MIB2: variants seen among roughly 807,000 people sequenced by gnomAD.
MIB2 encodes MIB E3 ubiquitin protein ligase 2.
A neutral mutation model predicts 96.6 loss-of-function variants in MIB2; 78 were observed. The observed-to-expected ratio is 0.81, with a 90% CI of 0.67 to 0.97. The LOEUF (loss-of-function observed/expected upper bound fraction) is 0.97, where lower values mean the gene tolerates loss of function less well. Among genes scored for constraint, MIB2 ranks in the 50% least tolerant of loss-of-function variants. The pLI is 0.00. For missense variants in MIB2, 1,543 were observed against 1,424.0 expected, an observed-to-expected ratio of 1.08 and a Z score of -1.35; for synonymous variants, 820 against 629.5, an observed-to-expected ratio of 1.30 and a Z score of -4.53.
Position 1,615,545 on chromosome 1 carries a change from C to T in MIB2, c.-218C>T, listed in dbSNP as rs1294909840. On this transcript the variant is annotated 5_prime_UTR_variant, in exon 1 of 20. Coordinates refer to ENST00000355826, the MANE Select transcript of MIB2 (RefSeq NM_001170687.4). Reference sequence around the variant, plus strand: ...TCCAGCCGCCGCTCTCCTCAGTGCCCGGTGGCCCAGGAGGGCCTGGGAGCC... The same window carrying T: ...TCCAGCCGCCGCTCTCCTCAGTGCCTGGTGGCCCAGGAGGGCCTGGGAGCC... 6.5e-7 allele frequency: 1 copy of T among 1,535,464 alleles called. No homozygotes were observed. Among genetic ancestry groups the T allele is most frequent in the Admixed American group, 2.0e-5 (1 of 50,938 alleles).
In MIB2 at chr1:1,625,644, G is replaced by A. The variant is rs752429847; in HGVS notation, c.963G>A (p.Ala321=). The change falls in exon 8 of 20, where the codon GCG becomes GCA. Residue 321 remains alanine, a synonymous_variant. Transcript: ENST00000355826. The surrounding 1 kb of genome is among the most constrained non-coding windows in gnomAD (Gnocchi z 5.0). ...CGCGCTGGACCTTCCACCCCGGGGC[G>A]CTCACCAAGGTGCCGGGGGGGCTGG... ...HETRWTFHPG[A]LTKHHSFWVG... 51 of 1,558,772 alleles carry A rather than the reference G, an allele frequency of 3.3e-5. No individual in the cohort carries two copies. The highest frequency in any genetic ancestry group is 5.4e-5 in the African/African-American group (4 of 73,528).
chr1:1,615,467 G>C (rs1026169243), upstream of MIB2: 6 of 1,518,630 alleles, frequency 4.0e-6, no homozygotes, highest in South Asian at 6.1e-5. Context: ...GCCATGGCGG[G>C]GGCGCTCCGG....
Position 1,627,354 on chromosome 1 carries a change from T to A in MIB2, c.1433T>A (p.Val478Glu), listed in dbSNP as rs545292425. Residue 478 changes from valine to glutamate, a missense_variant, in exon 12 of 20, where the codon GTG (valine) becomes GAG (glutamate). Coordinates refer to ENST00000355826, the MANE Select transcript of MIB2 (RefSeq NM_001170687.4). ...ALQVAAYLGQ[V>E]ELIRLLLQAR... ...CAAGTGGCTGCCTACCTGGGCCAGG[T>A]GGAGTTGATACGGCTGCTGCTACAA... is the stretch of plus-strand genomic sequence containing the variant. 1.9e-6 allele frequency: 3 copies of A among 1,612,736 alleles called. No homozygotes were observed. The Admixed American group carries it at 5.0e-5, about 27-fold the overall frequency.
Position 1,628,647 on chromosome 1 carries a change from G to A in MIB2, c.2127G>A (p.Leu709=). 2 of 1,593,078 alleles carry A rather than the reference G, an allele frequency of 1.3e-6. No homozygotes were observed. Among genetic ancestry groups the A allele is most frequent in the Admixed American group, 1.7e-5 (1 of 57,896 alleles). The change falls in exon 16 of 20, where the codon CTG becomes CTA. Residue 709 remains leucine, a synonymous_variant. Transcript: ENST00000355826. ...EEGDTALHVA[L]QRHQLLPLVA... is the part of the protein sequence containing the mutation. ...GGGACACAGCCCTGCACGTGGCGCT[G>A]CAGCGTCATCAGCTGCTGCCCCTGG... is the stretch of plus-strand genomic sequence containing the variant.
rs1281042656 is a variant in MIB2, at chr1:1,629,565, G to C, written c.2562G>C (p.Glu854Asp). Reference protein sequence around the residue: ...FSPCQHRTVCEECARRMKKCI... With the variant: ...FSPCQHRTVCDECARRMKKCI... ...CGTGCCAGCACCGCACCGTGTGTGA[G>C]GGTGAGTGGGGGGCCCCGGGGTGGG... The change falls in exon 18 of 20, where the codon GAG becomes GAC. Residue 854 changes from glutamate to aspartate, a missense_variant and splice_region_variant. Glu to Asp is a conservative substitution (Grantham distance 45, BLOSUM62 2). Coordinates refer to ENST00000355826, the MANE Select transcript of MIB2 (RefSeq NM_001170687.4). 2 of 1,547,010 alleles carry C rather than the reference G, an allele frequency of 1.3e-6. No individual in the cohort carries two copies. Among genetic ancestry groups the C allele is most frequent in the Non-Finnish European group, 1.7e-6 (2 of 1,146,118 alleles).
At position 1,626,681 on chromosome 1, in the gene MIB2, G is replaced by T; in HGVS notation, c.1004G>T (p.Arg335Leu). ...TCCTTCTGGGTGGGCGACGTGGTCC[G>T]GGTCATCGGCGACCTTGACACAGTG... ...HHSFWVGDVV[R>L]VIGDLDTVKR... Residue 335 changes from arginine (R) to leucine (L), a missense_variant, in exon 9 of 20, where the codon CGG (arginine) becomes CTG (leucine). Arg to Leu is a moderately radical substitution (Grantham distance 102). Coordinates refer to ENST00000355826, the MANE Select transcript of MIB2 (RefSeq NM_001170687.4). This position sits in a 1 kb window ranked among gnomAD's most constrained non-coding sequence, Gnocchi z 5.3. 12 of 1,586,062 alleles carry T rather than the reference G, an allele frequency of 7.6e-6. No homozygotes were observed. The highest frequency in any genetic ancestry group is 1.0e-5 in the Non-Finnish European group (12 of 1,164,948).
Position 1,615,637 on chromosome 1 carries a change from C to T in MIB2, c.-130+4C>T. The T allele has an allele frequency of 6.4e-7, 1 of 1,574,234 alleles. No individual in the cohort carries two copies. ...CGGGCCGTCCTCTCGGCTGATGGTGCGTGCGGGCGCGGATCTCCTCCCCTG... is the reference window on the plus strand; with the variant it reads ...CGGGCCGTCCTCTCGGCTGATGGTGTGTGCGGGCGCGGATCTCCTCCCCTG... On this transcript the variant is annotated splice_donor_region_variant and intron_variant, in intron 1 of 19. Transcript: ENST00000355826.
At chr1:1,617,023 C>T (rs1415940045) in intron 2 of MIB2, 1 of 204,164 alleles carries the variant, frequency 4.9e-6, no homozygotes, top group African/African-American at 2.4e-5. Context: ...TAGGTCTCCA[C>T]CCAGATGGGC....
chr1:1,629,298 G>A lies in MIB2; in HGVS notation c.2368G>A (p.Ala790Thr), dbSNP rs927203011. The change falls in exon 17 of 20, where the codon GCC becomes ACC. Residue 790 changes from alanine (A) to threonine (T), a missense_variant. Ala to Thr is a moderately conservative substitution (Grantham distance 58, BLOSUM62 0). Coordinates refer to ENST00000355826, the MANE Select transcript of MIB2 (RefSeq NM_001170687.4). ...GRVLKALQGC[A>T]QRFRERQAGG... ...CGTGCTCAAGGCCCTTCAGGGCTGCGCCCAGCGCTTCCGGTGAGTCCGTGG... is the reference window on the plus strand; with the variant it reads ...CGTGCTCAAGGCCCTTCAGGGCTGCACCCAGCGCTTCCGGTGAGTCCGTGG... The A allele has an allele frequency of 2.0e-6, 3 of 1,508,514 alleles. No individual in the cohort carries two copies. In the East Asian group the frequency reaches 7.8e-5, roughly 39 times the overall value. The allele number at this position is 1,508,514 out of a possible 1,614,324, so 93.4% of individuals were successfully genotyped here. A position where few individuals can be genotyped will look rare whatever the true frequency, so the allele number is the denominator to read the frequency against.
At chr1:1,615,756 A>ACTCGGCGTAGGGTCCGCACGGGATGGG (rs1553140472) in intron 1 of MIB2, 123 bp downstream of exon 1, 1 of 1,447,592 alleles carries the variant, frequency 6.9e-7, no homozygotes. Context: ...CCCGGGCTGG[A>ACTCGGCGTAGGGTCCGCACGGGATGGG]CTCGGCGTAG....
At chr1:1,630,128 C>T (rs913918435) in intron 19 of MIB2, among the ~76,000 whole-genome samples, 164 bp from the exon 20 acceptor site, 7 of 150,432 alleles carry the variant, frequency 4.7e-5, no homozygotes, top group Admixed American at 1.3e-4. Flanking sequence ...TGCCCGCACC[C>T]GGGCCCCACC....
chr1:1,628,372 C>G lies in MIB2; in HGVS notation c.1941C>G (p.Arg647=), dbSNP rs374167559. 7 of 1,612,478 alleles carry G rather than the reference C, an allele frequency of 4.3e-6. No individual in the cohort carries two copies. The highest frequency in any genetic ancestry group is 1.6e-4 in the Middle Eastern group (1 of 6,084). ...ALHLAALNNH[R]EVAQILIREG... ...ATCTGGCTGCCCTCAACAACCACCG[C>G]GAGGTGGCCCAGATCCTCATCCGGG... Residue 647 remains arginine, a synonymous_variant, in exon 15 of 20, where the codon CGC becomes CGG. Coordinates refer to ENST00000355826, the MANE Select transcript of MIB2 (RefSeq NM_001170687.4).
chr1:1,617,355 C>T (rs886391395), intron 2 of MIB2: 2 of 152,284 alleles, frequency 1.3e-5, no homozygotes, highest in Admixed American at 6.5e-5. Flanking sequence ...TTTAAAGCTT[C>T]TCCGATAAAA....
intron 2 of MIB2, chr1:1,618,214 C>T (rs946140199): frequency 6.6e-6 from 1 of 152,302 alleles, no homozygotes; most frequent in African/African-American, 2.4e-5. Flanking sequence ...AGCCTCTGGC[C>T]CAGAGCTCAC....
chr1:1,627,862 G>T, intron 13 of MIB2, 33 bp downstream of exon 13: 1 of 1,596,068 alleles, frequency 6.3e-7, no homozygotes, highest in Non-Finnish European at 8.5e-7. Flanking sequence ...GGTGCCCCCT[G>T]CCCGTGAGTG....
In MIB2 at chr1:1,625,196, G is replaced by A. The variant is rs780145028; in HGVS notation, c.721+11G>A. On this transcript the variant is annotated intron_variant, in intron 6 of 19. Transcript: ENST00000355826. This position sits in a 1 kb window ranked among gnomAD's most constrained non-coding sequence, Gnocchi z 5.0. ...ACCTCCCAAGGCTCGGTATGAGGCT[G>A]TCACACTGACTCCATCAGCCCTCCT... 1.2e-6 allele frequency: 2 copies of A among 1,605,774 alleles called. No homozygotes were observed. Among genetic ancestry groups the A allele is most frequent in the Non-Finnish European group, 8.5e-7 (1 of 1,175,502 alleles).
rs747268384 is a variant in MIB2, at chr1:1,628,512, C to G, written c.1992C>G (p.Arg664=). The G allele has an allele frequency of 6.2e-7, 1 of 1,600,526 alleles. No individual in the cohort carries two copies. Among genetic ancestry groups the G allele is most frequent in the Admixed American group, 1.7e-5 (1 of 59,614 alleles). Residue 664 remains arginine, a synonymous_variant, in exon 16 of 20, where the codon CGC becomes CGG. Transcript: ENST00000355826. ...IREGRCDVNV[R]NRKLQSPLHL... is the part of the protein sequence containing the mutation. ...AGGGCCGCTGTGACGTGAACGTGCG[C>G]AACCGGAAGCTGCAGTCCCCGCTGC...
chr1:1,615,461 TGGCGGGGGCGCTCC>T (rs754625225), upstream of MIB2: 17 of 1,515,646 alleles, frequency 1.1e-5, no homozygotes, highest in African/African-American at 2.8e-5. Flanking sequence ...GGCGTGGCCA[TGGCGGGGGCGCTCC>T]GGCGGGGGCG....
At chr1:1,618,771 G>C (rs1643978556) in intron 2 of MIB2, 1 of 152,284 alleles carries the variant, frequency 6.6e-6, no homozygotes, top group South Asian at 2.1e-4. Flanking sequence ...CAGGCCCCTC[G>C]ATGCTGGGCT....
Sources: allele counts gnomAD v4.1 joint callset (sites outside exome capture counted in the v4.1 genomes callset), GRCh38; gene constraint gnomAD v4.1.1; non-coding constraint Gnocchi (gnomAD v3.1); transcripts MANE v1.5; gene names NCBI Gene and HGNC (gene_info 2026-07-23, HGNC 2026-07-21).